Variants in FNDC3A observed in about 807,000 individuals in gnomAD.
The protein encoded by FNDC3A is fibronectin type-III domain-containing protein 3A.
FNDC3A carries 32 observed loss-of-function variants against 148.9 expected under a neutral mutation model. The observed-to-expected ratio is 0.21, with a 90% confidence interval of 0.16 to 0.29. The LOEUF is 0.29. Ranked by LOEUF, FNDC3A falls within the 10% of genes least tolerant of loss-of-function variation. The pLI is 1.00. For synonymous variants in FNDC3A, 472 were observed against 473.6 expected (o/e 1.00, Z 0.04); for missense variants, 1,191 against 1,452.8 (o/e 0.82, Z 2.93).
intron 3 of FNDC3A, among the ~76,000 whole-genome samples, chr13:49,075,800 G>GGCCCC (rs1878053912): frequency 8.7e-6 from 1 of 115,230 alleles, no homozygotes; most frequent in Non-Finnish European, 1.7e-5. Flanking sequence ...TATCACCACT[G>GGCCCC]CCCCCCCCAC....
chr13:49,192,118 A>T (rs1885918296), intron 19 of FNDC3A, among the ~76,000 whole-genome samples: 1 of 152,216 alleles, frequency 6.6e-6, no homozygotes, highest in Admixed American at 6.5e-5. Flanking sequence ...AGGACAAAGC[A>T]GTAATTTCCT....
intron 9 of FNDC3A, 123 bp downstream of exon 9, chr13:49,167,426 T>C: frequency 3.2e-6 from 2 of 616,070 alleles, no homozygotes; most frequent in Non-Finnish European, 2.7e-6. Flanking sequence ...AAACAGACTT[T>C]GTGGGCTGGG....
At position 49,207,206 on chromosome 13, in the gene FNDC3A, C is replaced by T; in HGVS notation, c.3408C>T (p.Pro1136=). The T allele has an allele frequency of 6.2e-7, 1 of 1,614,032 alleles. No individual in the cohort carries two copies. The highest frequency in any genetic ancestry group is 1.1e-5 in the South Asian group (1 of 91,088). ...TGGGACACCAGGACCTCGTAGGTCCCTACAGCACCACAGTGCTCTTCATCT... is the reference window on the plus strand; with the variant it reads ...TGGGACACCAGGACCTCGTAGGTCCTTACAGCACCACAGTGCTCTTCATCT... ...DSLGHQDLVG[P]YSTTVLFISQ... Residue 1136 remains proline (P), a synonymous_variant, in exon 26 of 26, where the codon CCC becomes CCT. Coordinates refer to ENST00000492622, the MANE Select transcript of FNDC3A (RefSeq NM_001079673.2).
chr13:49,192,967 T>C (rs1336101725), intron 19 of FNDC3A, among the ~76,000 whole-genome samples: 1 of 152,170 alleles, frequency 6.6e-6, no homozygotes, highest in Non-Finnish European at 1.5e-5. Context: ...TGTCATTATT[T>C]TGTTGTTGTC....
chr13:49,001,937 C>A (rs1952133222), intron 1 of FNDC3A, among the ~76,000 whole-genome samples: 1 of 152,146 alleles, frequency 6.6e-6, no homozygotes, highest in Non-Finnish European at 1.5e-5. Flanking sequence ...TATTTGTACG[C>A]TCCCTCCCCT....
intron 1 of FNDC3A, among the ~76,000 whole-genome samples, chr13:48,988,502 C>T (rs1004854003): frequency 2.6e-5 from 4 of 152,072 alleles, no homozygotes; most frequent in African/African-American, 9.7e-5. Context: ...ATCTAAATTG[C>T]ATATGAGAAT....
chr13:49,005,386 T>C (rs1952202150), intron 1 of FNDC3A, among the ~76,000 whole-genome samples: 1 of 151,982 alleles, frequency 6.6e-6, no homozygotes, highest in African/African-American at 2.4e-5. Context: ...TGTAATTTGC[T>C]GATGTTTTAT....
chr13:49,025,324 T>A (rs911033825), intron 2 of FNDC3A, among the ~76,000 whole-genome samples: 2 of 152,100 alleles, frequency 1.3e-5, no homozygotes, highest in Non-Finnish European at 2.9e-5. Flanking sequence ...TAATACTTGA[T>A]ATACTTGAAA....
chr13:49,094,200 T>C (rs1417925803), intron 3 of FNDC3A, among the ~76,000 whole-genome samples: 1 of 152,098 alleles, frequency 6.6e-6, no homozygotes, highest in African/African-American at 2.4e-5. Context: ...TTTTAAGATA[T>C]TTTTGCTAAA....
intron 1 of FNDC3A, among the ~76,000 whole-genome samples, chr13:48,978,081 A>C (rs1013632366): frequency 2.0e-5 from 3 of 152,182 alleles, no homozygotes; most frequent in African/African-American, 7.2e-5. Context: ...ATTAAAAAAA[A>C]CATTCTAGGA....
rs374622682 is a variant in FNDC3A at position 49,119,477 on chromosome 13, C to T, written c.252+4746C>T. ...TTGCCAGCAAGTGAACAAATCTGGA[C>T]GGAGAATGAGTTTGACGAATTGACA... is the stretch of plus-strand genomic sequence containing the variant. On this transcript the variant is annotated intron_variant, in intron 4 of 25. Transcript: ENST00000492622. 4.4e-4 allele frequency among the ~76,000 whole-genome samples: 67 copies of T among 151,958 alleles called. No individual in the cohort carries two copies. The South Asian group carries it at 8.7e-3, about 20-fold the overall frequency.
intron 14 of FNDC3A, among the ~76,000 whole-genome samples, chr13:49,178,909 T>C (rs1885165937): frequency 6.6e-6 from 1 of 152,124 alleles, no homozygotes; most frequent in South Asian, 2.1e-4. Context: ...ACTTATTTTG[T>C]AGAGACGAGG....
intron 7 of FNDC3A, among the ~76,000 whole-genome samples, chr13:49,145,266 A>G (rs1404586355): frequency 1.3e-5 from 2 of 152,208 alleles, no homozygotes; most frequent in African/African-American, 2.4e-5. Context: ...AACACTAGAT[A>G]GTATTAGCTT....
chr13:48,980,453 A>G (rs1951674852), intron 1 of FNDC3A, among the ~76,000 whole-genome samples: 1 of 152,140 alleles, frequency 6.6e-6, no homozygotes, highest in Non-Finnish European at 1.5e-5. Flanking sequence ...TCTGTTATGG[A>G]ACAGTCTAAT....
At chr13:49,142,795 G>T (rs1301928946) in intron 7 of FNDC3A, among the ~76,000 whole-genome samples, 2 of 152,116 alleles carry the variant, frequency 1.3e-5, no homozygotes, top group African/African-American at 2.4e-5. Context: ...CACTTATGAA[G>T]TTTTCCACAT....
chr13:49,118,787 G>C (rs915430213), intron 4 of FNDC3A, among the ~76,000 whole-genome samples: 2 of 152,238 alleles, frequency 1.3e-5, no homozygotes, highest in Non-Finnish European at 2.9e-5. Context: ...AGCCACTGTA[G>C]CCAGACTACC....
intron 1 of FNDC3A, among the ~76,000 whole-genome samples, chr13:48,992,805 C>A (rs993190136): frequency 1.4e-4 from 21 of 152,044 alleles, no homozygotes; most frequent in African/African-American, 4.8e-4. Context: ...CCATTGCTTT[C>A]AATTAAAAGT....
chr13:49,187,070 A>G (rs1335058445), intron 15 of FNDC3A, 52 bp from the exon 16 acceptor site: 10 of 1,366,208 alleles, frequency 7.3e-6, no homozygotes, highest in Non-Finnish European at 1.0e-5. Context: ...TTTTTTTATC[A>G]TTTTTATGTT....
At chr13:49,128,277 C>T (rs1485247942) in intron 4 of FNDC3A, among the ~76,000 whole-genome samples, 1 of 152,188 alleles carries the variant, frequency 6.6e-6, no homozygotes, top group Non-Finnish European at 1.5e-5. Flanking sequence ...TAGATTACTA[C>T]AGTAGCTTTC....
Sources: gnomAD v4.1 joint callset for allele counts (sites outside exome capture counted in the v4.1 genomes callset) on GRCh38, gnomAD v4.1.1 for gene constraint, MANE v1.5 for transcripts, NCBI Gene and HGNC (gene_info 2026-07-23, HGNC 2026-07-21) for gene names.